Variants in C1GALT1 observed in about 807,000 individuals in gnomAD.
C1GALT1 encodes glycoprotein-N-acetylgalactosamine 3-beta-galactosyltransferase 1.
C1GALT1 carries 11 observed loss-of-function variants against 31.0 expected under a neutral mutation model. That is an observed-to-expected ratio of 0.36 (90% CI 0.22 to 0.59). The LOEUF is 0.59. Among genes scored for constraint, C1GALT1 ranks in the 20% least tolerant of loss-of-function variants. C1GALT1 has a pLI of 0.79. For missense variants in C1GALT1, 424 were observed against 425.2 expected (o/e 1.00, Z 0.03); for synonymous variants, 175 against 143.6 (o/e 1.22, Z -1.56).
chr7:7,198,444 A>G (rs1371753181), intron 1 of C1GALT1, among the ~76,000 whole-genome samples: 4 of 152,290 alleles, frequency 2.6e-5, no homozygotes, highest in South Asian at 2.1e-4. Context: ...GCAGTATTTT[A>G]TTGAGGATTT....
At chr7:7,223,977 ATTGGAT>A in intron 1 of C1GALT1, among the ~76,000 whole-genome samples, 1 of 152,092 alleles carries the variant, frequency 6.6e-6, no homozygotes, top group East Asian at 1.9e-4. Context: ...TGTCCTGAAT[ATTGGAT>A]TTTGTCAAGT....
chr7:7,159,430 A>T (rs1161319703), intron 2 of C1GALT1, among the ~76,000 whole-genome samples: 3 of 152,076 alleles, frequency 2.0e-5, no homozygotes, highest in African/African-American at 7.2e-5. Context: ...GAAAACAGGA[A>T]GAGGAGGGGG....
chr7:7,201,922 T>TG (rs1334560878), intron 1 of C1GALT1, among the ~76,000 whole-genome samples: 1 of 152,222 alleles, frequency 6.6e-6, no homozygotes, highest in Non-Finnish European at 1.5e-5. Context: ...TCCTTCTCCT[T>TG]GGGGTCTTTC....
chr7:7,169,638 G>T (rs1357129777), intron 2 of C1GALT1, among the ~76,000 whole-genome samples: 1 of 151,796 alleles, frequency 6.6e-6, no homozygotes, highest in African/African-American at 2.4e-5. Flanking sequence ...TAAGGATGTT[G>T]AACATCTTTT....
Position 7,217,303 on chromosome 7 carries a change from G to T in C1GALT1, c.-17-17000G>T, listed in dbSNP as rs1157985023. Among the ~76,000 whole-genome samples the T allele has an allele frequency of 3.9e-5, 6 of 152,208 alleles. No homozygotes were observed. The South Asian group carries it at 8.3e-4, about 21-fold the overall frequency. On this transcript the variant is annotated intron_variant, in intron 1 of 3. Transcript: ENST00000436587. Reference sequence around the variant, plus strand: ...GAAGGAAGAAGCTCCCCCATACAGAGCCGGGGAGCTGAGGGGGTGGGGGGG... The same window carrying T: ...GAAGGAAGAAGCTCCCCCATACAGATCCGGGGAGCTGAGGGGGTGGGGGGG...
chr7:7,174,362 C>T (rs1241080707), intron 2 of C1GALT1, among the ~76,000 whole-genome samples: 3 of 152,200 alleles, frequency 2.0e-5, no homozygotes, highest in African/African-American at 7.2e-5. Flanking sequence ...ACATAAGTTT[C>T]ACCTGATCTG....
chr7:7,219,923 G>A (rs1289217378), intron 1 of C1GALT1, among the ~76,000 whole-genome samples: 3 of 152,098 alleles, frequency 2.0e-5, no homozygotes, highest in Non-Finnish European at 4.4e-5. Context: ...CAATTTAGCA[G>A]TTGTATAATC....
At chr7:7,180,595 A>T (rs1780559567), upstream of C1GALT1, among the ~76,000 whole-genome samples, 1 of 152,248 alleles carries the variant, frequency 6.6e-6, no homozygotes, top group African/African-American at 2.4e-5. Context: ...TCTTAGAGAG[A>T]TGCCTAGAAG....
chr7:7,229,473 T>G (rs1468522787), intron 1 of C1GALT1, among the ~76,000 whole-genome samples: 1 of 152,204 alleles, frequency 6.6e-6, no homozygotes, highest in African/African-American at 2.4e-5. Flanking sequence ...CAATTCATGG[T>G]ACTTTCATAT....
At chr7:7,189,097 C>G (rs1365126221) in intron 1 of C1GALT1, among the ~76,000 whole-genome samples, 1 of 151,998 alleles carries the variant, frequency 6.6e-6, no homozygotes, top group Non-Finnish European at 1.5e-5. Flanking sequence ...AAAAAGTAAC[C>G]TTTGTCAAAA....
At chr7:7,170,786 C>T (rs1467046426) in intron 2 of C1GALT1, among the ~76,000 whole-genome samples, 1 of 152,158 alleles carries the variant, frequency 6.6e-6, no homozygotes, top group African/African-American at 2.4e-5. Context: ...CGTCTCCAAA[C>T]AAACAAACAA....
At chr7:7,167,653 A>G (rs1394835363) in intron 2 of C1GALT1, among the ~76,000 whole-genome samples, 3 of 151,930 alleles carry the variant, frequency 2.0e-5, no homozygotes, top group African/African-American at 7.3e-5. Flanking sequence ...TGGTATGCTG[A>G]CATCTTATAA....
At chr7:7,202,544 GC>G (rs935616254) in intron 1 of C1GALT1, among the ~76,000 whole-genome samples, 78 of 152,244 alleles carry the variant, frequency 5.1e-4, no homozygotes, top group African/African-American at 1.5e-3. Context: ...AAAGTGAGAT[GC>G]TTTTTTTCCT....
In C1GALT1 at chr7:7,203,235, A is replaced by G. The variant is rs139590341; in HGVS notation, c.-18+20415A>G. Among the ~76,000 whole-genome samples, 816 of 151,916 alleles carry G rather than the reference A, an allele frequency of 5.4e-3. 3 individuals carry two copies. The highest frequency in any genetic ancestry group is 8.3e-3 in the Non-Finnish European group (567 of 67,968). On this transcript the variant is annotated intron_variant, in intron 1 of 3. Transcript: ENST00000436587. ...AATTGCTCTGGGTAGAACTTCCAGT[A>G]CTATGTTGAATAGAAGTGATGAAAT...
At position 7,246,471 on chromosome 7, in the gene C1GALT1, A is replaced by C. The variant is rs1056642734; in HGVS notation, c.*2744A>C. 6.6e-6 allele frequency: 1 copy of C among 152,220 alleles called. No homozygotes were observed. Among genetic ancestry groups the C allele is most frequent in the Non-Finnish European group, 1.5e-5 (1 of 68,038 alleles). 9.4% of individuals were successfully genotyped at this position (152,220 alleles called of 1,614,324 possible). A position where few individuals can be genotyped will look rare whatever the true frequency, so the allele number is the denominator to read the frequency against. On this transcript the variant is annotated 3_prime_UTR_variant, in exon 4 of 4. Transcript: ENST00000436587. Reference sequence around the variant, plus strand: ...ACTTGCCCAGGATGTTGTTAAATGCAGATCTGAAGACCCCAATCTCAGAAA... The same window carrying C: ...ACTTGCCCAGGATGTTGTTAAATGCCGATCTGAAGACCCCAATCTCAGAAA...
chr7:7,240,623 A>C (rs1407794189), intron 3 of C1GALT1, among the ~76,000 whole-genome samples: 2 of 152,188 alleles, frequency 1.3e-5, no homozygotes, highest in African/African-American at 4.8e-5. Flanking sequence ...TGTTGGATAC[A>C]CATACAGTAG....
At chr7:7,218,632 A>T (rs747330059) in intron 1 of C1GALT1, among the ~76,000 whole-genome samples, 5 of 152,164 alleles carry the variant, frequency 3.3e-5, no homozygotes, top group Non-Finnish European at 7.3e-5. Context: ...CAACTCTGAG[A>T]GGTAAGATAT....
At chr7:7,187,426 T>G (rs1444305864) in intron 1 of C1GALT1, among the ~76,000 whole-genome samples, 2 of 151,812 alleles carry the variant, frequency 1.3e-5, no homozygotes, top group African/African-American at 4.9e-5. Flanking sequence ...ATTTCTTTTT[T>G]TTTTTGTATT....
At chr7:7,191,200 A>G (rs1340677730) in intron 1 of C1GALT1, among the ~76,000 whole-genome samples, 2 of 152,050 alleles carry the variant, frequency 1.3e-5, no homozygotes, top group African/African-American at 4.8e-5. Context: ...CTGATTTTTC[A>G]CTACTTTAAA....
Sources: gnomAD v4.1 joint callset for allele counts (sites outside exome capture counted in the v4.1 genomes callset) on GRCh38, gnomAD v4.1.1 for gene constraint, MANE v1.5 for transcripts, NCBI Gene and HGNC (gene_info 2026-07-23, HGNC 2026-07-21) for gene names.